The following RIT2 variants were observed in gnomAD, a reference collection of about 807,000 sequenced individuals.
The protein encoded by RIT2 is Ras like without CAAX 2.
Under a neutral mutation model 23.7 loss-of-function variants are expected in RIT2, and 24 were observed. The ratio of observed to expected loss-of-function variants is 1.01; its 90% CI spans 0.73 to 1.43. RIT2 has a LOEUF of 1.43. RIT2 is among the 40% of genes most tolerant of loss of function. The pLI, the probability that RIT2 is intolerant of heterozygous loss-of-function variation, is 0.00. For missense variants in RIT2, 236 were observed against 266.9 expected (o/e 0.88, Z 0.81); for synonymous variants, 107 against 91.1 (o/e 1.17, Z -0.99).
intron 1 of RIT2, among the ~76,000 whole-genome samples, chr18:43,102,914 A>G (rs1913722361): frequency 6.6e-6 from 1 of 152,096 alleles, no homozygotes; most frequent in Non-Finnish European, 1.5e-5. Flanking sequence ...TCGGCCTCCC[A>G]AAGCGCTGGG....
At chr18:42,834,569 A>G (rs1351436455) in intron 4 of RIT2, among the ~76,000 whole-genome samples, 1 of 152,140 alleles carries the variant, frequency 6.6e-6, no homozygotes, top group African/African-American at 2.4e-5. Flanking sequence ...ACATACACAC[A>G]TACACACATA....
At chr18:42,967,072 A>G (rs1361434277) in intron 3 of RIT2, among the ~76,000 whole-genome samples, 1 of 152,096 alleles carries the variant, frequency 6.6e-6, no homozygotes, top group Admixed American at 6.6e-5. Context: ...AAAAGCTGAA[A>G]ATAAATACTC....
chr18:43,098,969 T>C (rs1020597147), intron 1 of RIT2, among the ~76,000 whole-genome samples: 1 of 152,058 alleles, frequency 6.6e-6, no homozygotes, highest in Non-Finnish European at 1.5e-5. Flanking sequence ...ATCTGGCCTA[T>C]GCTCCTAAGA....
At chr18:43,011,663 T>C (rs78839526) in intron 2 of RIT2, among the ~76,000 whole-genome samples, 2 of 151,910 alleles carry the variant, frequency 1.3e-5, no homozygotes, top group East Asian at 3.9e-4. Flanking sequence ...TAAACTTCAC[T>C]GATAGGAATT....
intron 4 of RIT2, among the ~76,000 whole-genome samples, chr18:42,842,714 G>A (rs553958832): frequency 1.4e-4 from 22 of 152,034 alleles, no homozygotes; most frequent in Non-Finnish European, 2.9e-4. Context: ...GTACCAACAC[G>A]ATGCCACAAG....
At chr18:42,911,222 G>A (rs114934891) in intron 4 of RIT2, among the ~76,000 whole-genome samples, 3,398 of 151,918 alleles carry the variant, frequency 0.022, 121 homozygotes, top group African/African-American at 0.078. Context: ...AAAATAATAC[G>A]TAGAGTGGAA....
intron 2 of RIT2, among the ~76,000 whole-genome samples, chr18:42,996,826 A>G (rs188442451): frequency 2.8e-3 from 429 of 152,272 alleles, no homozygotes; most frequent in Admixed American, 3.9e-3. Context: ...TCATCCTAGA[A>G]AAATGACTGC....
chr18:43,005,201 T>C (rs987784849), intron 2 of RIT2, among the ~76,000 whole-genome samples: 1 of 151,894 alleles, frequency 6.6e-6, no homozygotes, highest in African/African-American at 2.4e-5. Flanking sequence ...TGATAAACTC[T>C]AGGTAATCAA....
chr18:43,023,508 G>A (rs1911643159), intron 2 of RIT2, among the ~76,000 whole-genome samples: 1 of 152,004 alleles, frequency 6.6e-6, no homozygotes, highest in African/African-American at 2.4e-5. Context: ...CTTCAGCAGA[G>A]TATAAAGCAA....
chr18:43,091,566 C>T (rs1197704679), intron 1 of RIT2, among the ~76,000 whole-genome samples: 5 of 152,108 alleles, frequency 3.3e-5, no homozygotes, highest in Admixed American at 6.6e-5. Flanking sequence ...TCATTTGGAC[C>T]CTCTGCTGTG....
intron 3 of RIT2, among the ~76,000 whole-genome samples, chr18:42,943,807 GTACT>G (rs1016723833): frequency 6.6e-6 from 1 of 152,094 alleles, no homozygotes; most frequent in African/African-American, 2.4e-5. Context: ...AGGACTTACT[GTACT>G]TACTTTTGTC....
At chr18:42,980,181 G>A (rs1598737055) in intron 2 of RIT2, among the ~76,000 whole-genome samples, 2 of 152,224 alleles carry the variant, frequency 1.3e-5, no homozygotes, top group African/African-American at 4.8e-5. Flanking sequence ...TCAGGGCAAA[G>A]AAGAACAACC....
At chr18:42,952,706 T>TA (rs931507092) in intron 3 of RIT2, among the ~76,000 whole-genome samples, 6 of 152,016 alleles carry the variant, frequency 3.9e-5, no homozygotes, top group East Asian at 3.9e-4. Flanking sequence ...ATACTACAAG[T>TA]AAAAAATCTT....
intron 4 of RIT2, among the ~76,000 whole-genome samples, chr18:42,797,320 T>C (rs1905393737): frequency 6.6e-6 from 1 of 152,132 alleles, no homozygotes; most frequent in Non-Finnish European, 1.5e-5. Context: ...GTGTTTACTC[T>C]TGTGGTGGTC....
chr18:43,105,513 G>GAAGAGAGGAAGGGAGGAAGA, intron 1 of RIT2, among the ~76,000 whole-genome samples: 1 of 123,272 alleles, frequency 8.1e-6, no homozygotes, highest in African/African-American at 2.8e-5. Flanking sequence ...AGGGAGGGAG[G>GAAGAGAGGAAGGGAGGAAGA]GAGGGAATGA....
At chr18:42,984,151 A>T (rs1405080385) in intron 2 of RIT2, among the ~76,000 whole-genome samples, 1 of 152,132 alleles carries the variant, frequency 6.6e-6, no homozygotes, top group Non-Finnish European at 1.5e-5. Context: ...AACTGTACAC[A>T]TAGCAAATAT....
intron 2 of RIT2, among the ~76,000 whole-genome samples, chr18:43,030,920 A>G (rs1444509941): frequency 1.3e-5 from 2 of 152,080 alleles, no homozygotes; most frequent in African/African-American, 2.4e-5. Flanking sequence ...ACAAATGGAA[A>G]AGTTAAGCAG....
At chr18:42,968,950 A>C (rs145283866) in intron 3 of RIT2, among the ~76,000 whole-genome samples, 1,774 of 152,274 alleles carry the variant, frequency 0.012, 37 homozygotes, top group African/African-American at 0.041. Context: ...TCACATCCTA[A>C]GGATAATATA....
At chr18:42,956,229 A>G (rs1297319024) in intron 3 of RIT2, among the ~76,000 whole-genome samples, 1 of 152,112 alleles carries the variant, frequency 6.6e-6, no homozygotes, top group East Asian at 1.9e-4. Context: ...ATCTCTACCC[A>G]CACTCCACAT....
Sources: allele counts gnomAD v4.1 joint callset (sites outside exome capture counted in the v4.1 genomes callset), GRCh38; gene constraint gnomAD v4.1.1; transcripts MANE v1.5; gene names NCBI Gene and HGNC (gene_info 2026-07-23, HGNC 2026-07-21).